HS6ST3: variants seen among roughly 807,000 people sequenced by gnomAD.
HS6ST3 encodes the protein heparan-sulfate 6-O-sulfotransferase 3.
HS6ST3 carries 12 observed loss-of-function variants against 36.7 expected under a neutral mutation model. That is an observed-to-expected ratio of 0.33 (90% CI 0.21 to 0.53). The LOEUF is 0.53. HS6ST3 is among the 20% of genes least tolerant of loss of function. The probability of loss-of-function intolerance (pLI) is 0.95; values close to 1 mark genes in which losing one functional copy is unlikely to be tolerated. For synonymous variants in HS6ST3, 240 were observed against 257.5 expected (o/e 0.93, Z 0.65); for missense variants, 584 against 640.9 (o/e 0.91, Z 0.96).
At chr13:96,443,306 G>T (rs1015712383) in intron 1 of HS6ST3, among the ~76,000 whole-genome samples, 1 of 151,826 alleles carries the variant, frequency 6.6e-6, no homozygotes, top group Non-Finnish European at 1.5e-5. Context: ...TGAGGCGGGC[G>T]GATCACAAGG....
chr13:96,341,149 C>G (rs1035034671), intron 1 of HS6ST3, among the ~76,000 whole-genome samples: 1 of 152,140 alleles, frequency 6.6e-6, no homozygotes, highest in Non-Finnish European at 1.5e-5. Context: ...CTTTTAAAGA[C>G]ATTTACAGTG....
rs567241981 is a variant in HS6ST3 at position 96,793,354 on chromosome 13, C to T, written c.708-39136C>T. Among the ~76,000 whole-genome samples, 3 of 152,156 alleles carry T rather than the reference C, an allele frequency of 2.0e-5. No homozygotes were observed. In the South Asian group the frequency reaches 6.2e-4, roughly 32 times the overall value. On this transcript the variant is annotated intron_variant, in intron 1 of 1. Transcript: ENST00000376705. ...CTCCTCACCATTCCAGCATCCATTA[C>T]CATTGCTTCCTGGAAACCCCCGGGT...
At chr13:96,819,257 G>T (rs1272155848) in intron 1 of HS6ST3, among the ~76,000 whole-genome samples, 1 of 152,160 alleles carries the variant, frequency 6.6e-6, no homozygotes, top group African/African-American at 2.4e-5. Context: ...ATGAACATCA[G>T]TGGCCACTGC....
At chr13:96,118,868 G>A (rs1348274514) in intron 1 of HS6ST3, among the ~76,000 whole-genome samples, 23 of 147,064 alleles carry the variant, frequency 1.6e-4, no homozygotes, top group African/African-American at 4.7e-4. Flanking sequence ...CCGCCACCGC[G>A]CCCGGCTAAT....
intron 1 of HS6ST3, among the ~76,000 whole-genome samples, chr13:96,595,200 C>G (rs117321325): frequency 1.3e-5 from 2 of 152,074 alleles, no homozygotes; most frequent in African/African-American, 4.8e-5. Flanking sequence ...CGTGCACCAC[C>G]GTGCCTGGCT....
chr13:96,324,822 T>C (rs963116629), intron 1 of HS6ST3, among the ~76,000 whole-genome samples: 4 of 152,176 alleles, frequency 2.6e-5, no homozygotes, highest in African/African-American at 9.6e-5. Context: ...TCTCTCCCAG[T>C]TCCCAGAAGG....
intron 1 of HS6ST3, among the ~76,000 whole-genome samples, chr13:96,373,406 T>A (rs767547263): frequency 6.6e-6 from 1 of 152,178 alleles, no homozygotes; most frequent in Non-Finnish European, 1.5e-5. Context: ...ATAAATTGAA[T>A]AGGACTATAT....
intron 1 of HS6ST3, among the ~76,000 whole-genome samples, chr13:96,469,855 G>C (rs1301010765): frequency 2.0e-5 from 3 of 152,056 alleles, no homozygotes; most frequent in Non-Finnish European, 2.9e-5. Context: ...AACGTGACTG[G>C]TACAACACTT....
intron 1 of HS6ST3, among the ~76,000 whole-genome samples, chr13:96,201,221 T>G (rs376893612): frequency 2.0e-4 from 30 of 152,258 alleles, no homozygotes; most frequent in African/African-American, 7.2e-4. Context: ...TGAAATTCCT[T>G]GCCTCCAAGG....
chr13:96,727,544 A>G (rs979594385), intron 1 of HS6ST3, among the ~76,000 whole-genome samples: 2 of 152,122 alleles, frequency 1.3e-5, no homozygotes, highest in Admixed American at 6.5e-5. Context: ...TAAAATAAAG[A>G]TTGTAATCAT....
chr13:96,586,874 C>T (rs1252832380), intron 1 of HS6ST3, among the ~76,000 whole-genome samples: 1 of 152,076 alleles, frequency 6.6e-6, no homozygotes, highest in Non-Finnish European at 1.5e-5. Flanking sequence ...AAAGTCATTG[C>T]CCAGACCAGT....
chr13:96,323,853 A>G (rs1013105554), intron 1 of HS6ST3, among the ~76,000 whole-genome samples: 2 of 152,250 alleles, frequency 1.3e-5, no homozygotes, highest in Non-Finnish European at 2.9e-5. Flanking sequence ...TATATACTTC[A>G]TAAGGGCAGG....
At chr13:96,249,682 A>T (rs2054599117) in intron 1 of HS6ST3, among the ~76,000 whole-genome samples, 1 of 152,174 alleles carries the variant, frequency 6.6e-6, no homozygotes, top group South Asian at 2.1e-4. Context: ...TCTGGAGATA[A>T]TGGCAGCATT....
intron 1 of HS6ST3, among the ~76,000 whole-genome samples, chr13:96,553,909 A>T (rs1171948117): frequency 6.6e-6 from 1 of 152,190 alleles, no homozygotes; most frequent in Non-Finnish European, 1.5e-5. Context: ...AGAACCAAAG[A>T]TGGCTGCTGT....
At chr13:96,792,706 A>C (rs992296919) in intron 1 of HS6ST3, among the ~76,000 whole-genome samples, 1 of 152,016 alleles carries the variant, frequency 6.6e-6, no homozygotes, top group Non-Finnish European at 1.5e-5. Context: ...AAAATATTTC[A>C]AGTGCAGTAG....
chr13:96,524,574 G>T (rs930338950), intron 1 of HS6ST3, among the ~76,000 whole-genome samples: 9 of 152,220 alleles, frequency 5.9e-5, no homozygotes, highest in African/African-American at 1.9e-4. Context: ...GTCTGCTCAA[G>T]CCTCAGCAAT....
intron 1 of HS6ST3, among the ~76,000 whole-genome samples, chr13:96,202,725 G>T (rs2139352302): frequency 6.6e-6 from 1 of 152,274 alleles, no homozygotes; most frequent in South Asian, 2.1e-4. Context: ...CCATCTCACA[G>T]GTTACATAGG....
intron 1 of HS6ST3, among the ~76,000 whole-genome samples, chr13:96,452,364 A>T (rs1184735859): frequency 2.0e-5 from 3 of 152,216 alleles, no homozygotes; most frequent in Non-Finnish European, 4.4e-5. Flanking sequence ...TACTCCAAGA[A>T]ATTACAAAGT....
At chr13:96,330,976 G>A (rs1242199443) in intron 1 of HS6ST3, among the ~76,000 whole-genome samples, 15 of 151,470 alleles carry the variant, frequency 9.9e-5, no homozygotes, top group Admixed American at 2.6e-4. Context: ...TGATCGCATC[G>A]GCTCCTGAGG....
Sources: gnomAD v4.1 joint callset for allele counts (sites outside exome capture counted in the v4.1 genomes callset) on GRCh38, gnomAD v4.1.1 for gene constraint, MANE v1.5 for transcripts, NCBI Gene and HGNC (gene_info 2026-07-23, HGNC 2026-07-21) for gene names.